Variants in EPB41L3 observed in about 807,000 individuals in gnomAD.
EPB41L3 encodes erythrocyte membrane protein band 4.1 like 3, also known as band 4.1-like protein 3.
In EPB41L3, 57 loss-of-function variants were observed where a neutral mutation model predicts 127.1. The ratio of observed to expected loss-of-function variants is 0.45; its 90% CI spans 0.36 to 0.56. The LOEUF (loss-of-function observed/expected upper bound fraction) is 0.56, where lower values mean the gene tolerates loss of function less well. Ranked by LOEUF, EPB41L3 falls within the 20% of genes least tolerant of loss-of-function variation. The pLI is 0.00. For synonymous variants in EPB41L3, 572 were observed against 549.5 expected (o/e 1.04, Z -0.57); for missense variants, 1,273 against 1,372.2 (o/e 0.93, Z 1.14).
chr18:5,476,978 C>T (rs1457533786), intron 3 of EPB41L3, among the ~76,000 whole-genome samples: 1 of 152,176 alleles, frequency 6.6e-6, no homozygotes, highest in East Asian at 1.9e-4. Flanking sequence ...TGGTATACAA[C>T]AGACTAAATA....
At chr18:5,623,706 G>C (rs11659725) in intron 1 of EPB41L3, among the ~76,000 whole-genome samples, 29,253 of 151,116 alleles carry the variant, frequency 0.19, 3,202 homozygotes, top group Non-Finnish European at 0.25. Flanking sequence ...GGACTGCAGT[G>C]GTGCAATCTT....
At chr18:5,409,712 C>CT (rs1555647680) in intron 14 of EPB41L3, among the ~76,000 whole-genome samples, 1 of 148,058 alleles carries the variant, frequency 6.8e-6, no homozygotes, top group East Asian at 1.9e-4. Flanking sequence ...TAGGATGATG[C>CT]AAAAAAAAAC....
Position 5,508,681 on chromosome 18 carries a change from C to A in EPB41L3, c.-11-19487G>T, listed in dbSNP as rs574748110. On this transcript the variant is annotated intron_variant, in intron 1 of 22. Coordinates refer to ENST00000341928, the MANE Select transcript of EPB41L3 (RefSeq NM_012307.5). ...ACTCAGGAGGCTGAGGCAGGAGAAT[C>A]ACTTGAACCTGGGAGGTGGAGGTTG... Among the ~76,000 whole-genome samples the A allele has an allele frequency of 1.8e-3, 263 of 148,052 alleles. 1 individual carries two copies. The highest frequency in any genetic ancestry group is 2.2e-3 in the Non-Finnish European group (148 of 67,504).
chr18:5,414,489 T>C (rs1430617965), intron 13 of EPB41L3, among the ~76,000 whole-genome samples: 2 of 152,216 alleles, frequency 1.3e-5, no homozygotes, highest in Admixed American at 6.5e-5. Flanking sequence ...ACCCTCAACA[T>C]ATAATACTAT....
At chr18:5,408,052 G>A (rs2144055191) in intron 14 of EPB41L3, among the ~76,000 whole-genome samples, 1 of 152,278 alleles carries the variant, frequency 6.6e-6, no homozygotes, top group South Asian at 2.1e-4. Context: ...AATAGTTCAG[G>A]AAGTGGGGGG....
intron 16 of EPB41L3, among the ~76,000 whole-genome samples, chr18:5,405,104 G>A (rs1042901614): frequency 6.6e-6 from 1 of 152,152 alleles, no homozygotes; most frequent in Non-Finnish European, 1.5e-5. Flanking sequence ...TATTAGCTAG[G>A]TTTGGGATTG....
At chr18:5,553,308 T>C (rs2093990121) in intron 3 of EPB41L3, among the ~76,000 whole-genome samples, 2 of 152,156 alleles carry the variant, frequency 1.3e-5, no homozygotes, top group Non-Finnish European at 1.5e-5. Flanking sequence ...TTCTATGAGG[T>C]AGGAACTATA....
At chr18:5,471,647 A>T (rs9962118) in intron 3 of EPB41L3, among the ~76,000 whole-genome samples, 5 of 152,018 alleles carry the variant, frequency 3.3e-5, no homozygotes, top group African/African-American at 1.2e-4. Context: ...GAAACAGGCA[A>T]GACGATGGAG....
At chr18:5,586,879 C>A (rs1030796934) in intron 3 of EPB41L3, among the ~76,000 whole-genome samples, 1 of 152,092 alleles carries the variant, frequency 6.6e-6, no homozygotes, top group Non-Finnish European at 1.5e-5. Context: ...AGTATTTGAG[C>A]CCTAAGGGTC....
chr18:5,514,585 CTTTATT>C (rs1598507429), intron 1 of EPB41L3, among the ~76,000 whole-genome samples: 1 of 152,128 alleles, frequency 6.6e-6, no homozygotes, highest in East Asian at 1.9e-4. Context: ...TGTGTATCTG[CTTTATT>C]TTTATCAAGA....
At chr18:5,595,842 A>G (rs2094531760) in intron 3 of EPB41L3, among the ~76,000 whole-genome samples, 1 of 152,164 alleles carries the variant, frequency 6.6e-6, no homozygotes, top group Non-Finnish European at 1.5e-5. Flanking sequence ...GGATCATGGA[A>G]TACTATTGGG....
chr18:5,466,346 T>C (rs1301282998), intron 3 of EPB41L3: 1 of 152,222 alleles, frequency 6.6e-6, no homozygotes, highest in African/African-American at 2.4e-5. Context: ...GCATTTGTGT[T>C]AGCCAAATCC....
intron 14 of EPB41L3, among the ~76,000 whole-genome samples, chr18:5,409,724 T>C (rs1219768465): frequency 7.3e-6 from 1 of 136,832 alleles, no homozygotes; most frequent in Non-Finnish European, 1.6e-5. Flanking sequence ...AAAAAAAACA[T>C]ATAAACAACC....
At chr18:5,441,608 G>C (rs1305319964) in intron 5 of EPB41L3, among the ~76,000 whole-genome samples, 1 of 152,082 alleles carries the variant, frequency 6.6e-6, no homozygotes, top group African/African-American at 2.4e-5. Flanking sequence ...TGGGACTACA[G>C]GCGCACGCCA....
At chr18:5,538,186 TTC>T (rs1410592225) in intron 1 of EPB41L3, among the ~76,000 whole-genome samples, 1 of 152,192 alleles carries the variant, frequency 6.6e-6, no homozygotes, top group African/African-American at 2.4e-5. Context: ...TTCCCAAAAA[TTC>T]TTACATATTC....
At chr18:5,493,768 C>T (rs1423578890) in intron 1 of EPB41L3, among the ~76,000 whole-genome samples, 2 of 152,078 alleles carry the variant, frequency 1.3e-5, no homozygotes, top group African/African-American at 4.8e-5. Context: ...CTCACTCACA[C>T]TTCAGTATAT....
intron 3 of EPB41L3, among the ~76,000 whole-genome samples, chr18:5,449,534 A>G (rs1218751901): frequency 1.3e-5 from 2 of 148,612 alleles, no homozygotes; most frequent in African/African-American, 4.9e-5. Flanking sequence ...ACAAATGTTT[A>G]TAACAGTTTT....
intron 1 of EPB41L3, among the ~76,000 whole-genome samples, chr18:5,494,671 C>CCA (rs1555761071): frequency 1.6e-4 from 20 of 127,838 alleles, no homozygotes; most frequent in Non-Finnish European, 2.7e-4. Context: ...TCCCCCCACC[C>CCA]AAAAAAAAAA....
Position 5,625,659 on chromosome 18 carries a change from C to T in EPB41L3, c.-468+3263G>A, listed in dbSNP as rs1360653245. On this transcript the variant is annotated intron_variant, in intron 1 of 21. Transcript: ENST00000545076. ...GGCAATAATGCATCCAGCCAACCAA[C>T]ACTCTTGGTTCTAGAAAACCAGTAG... Among the ~76,000 whole-genome samples the T allele has an allele frequency of 2.6e-5, 4 of 152,184 alleles. No individual in the cohort carries two copies. In the East Asian group the frequency reaches 7.7e-4, roughly 29 times the overall value.
Sources: gnomAD v4.1 joint callset for allele counts (sites outside exome capture counted in the v4.1 genomes callset) on GRCh38, gnomAD v4.1.1 for gene constraint, MANE v1.5 for transcripts, NCBI Gene and HGNC (gene_info 2026-07-23, HGNC 2026-07-21) for gene names.